Variants in ANXA8 observed in about 807,000 individuals in gnomAD.
ANXA8 encodes annexin A8.
A neutral mutation model predicts 26.8 loss-of-function variants in ANXA8; 9 were observed. That is an observed-to-expected ratio of 0.34 (90% CI 0.20 to 0.59). The LOEUF is 0.59. ANXA8 is among the 20% of genes least tolerant of loss of function. The probability of loss-of-function intolerance (pLI) is 0.84; values close to 1 mark genes in which losing one functional copy is unlikely to be tolerated. For synonymous variants in ANXA8, 39 were observed against 94.8 expected (o/e 0.41, Z 3.42); for missense variants, 83 against 238.5 (o/e 0.35, Z 4.29).
upstream of ANXA8, among the ~76,000 whole-genome samples, chr10:47,487,562 T>C (rs1385955545): frequency 8.7e-6 from 1 of 115,544 alleles, no homozygotes; most frequent in Non-Finnish European, 1.7e-5. Context: ...AATTTGAATT[T>C]GGTTTTAATT....
At chr10:47,490,380 T>G in the ANXA8 span, 2 of 143,202 alleles carry the variant, frequency 1.4e-5, no homozygotes, top group African/African-American at 5.2e-5. Flanking sequence ...TCCAGCGGAG[T>G]CAAAGGAATG....
the ANXA8 span, among the ~76,000 whole-genome samples, chr10:47,498,460 A>T: frequency 7.0e-6 from 1 of 142,350 alleles, no homozygotes; most frequent in African/African-American, 2.6e-5. Flanking sequence ...TATAAATATC[A>T]GTGTACACAT....
the ANXA8 span, among the ~76,000 whole-genome samples, chr10:47,646,299 A>G: frequency 7.2e-6 from 1 of 138,634 alleles, no homozygotes; most frequent in South Asian, 2.2e-4. Context: ...ATACTAAATA[A>G]TATATATTGT....
the ANXA8 span, among the ~76,000 whole-genome samples, chr10:47,694,212 A>C: frequency 6.6e-6 from 1 of 151,600 alleles, no homozygotes; most frequent in Non-Finnish European, 1.5e-5. Context: ...TTTTTTAAAA[A>C]ATCAGATTTT....
chr10:47,655,590 A>G, the ANXA8 span, among the ~76,000 whole-genome samples: 1 of 151,610 alleles, frequency 6.6e-6, no homozygotes, highest in Non-Finnish European at 1.5e-5. Context: ...TCAAGACTGG[A>G]TAGTGGAAAT....
chr10:47,526,455 C>T, the ANXA8 span, among the ~76,000 whole-genome samples: 1 of 134,698 alleles, frequency 7.4e-6, no homozygotes, highest in Non-Finnish European at 1.5e-5. Context: ...CTTCTTTCAA[C>T]ATTAAGTCCC....
chr10:47,697,053 C>T, the ANXA8 span, among the ~76,000 whole-genome samples: 1 of 151,686 alleles, frequency 6.6e-6, no homozygotes, highest in Non-Finnish European at 1.5e-5. Flanking sequence ...TTAAAAGAAG[C>T]TGTTTAATGA....
the ANXA8 span, among the ~76,000 whole-genome samples, chr10:47,743,453 G>A: frequency 7.9e-6 from 1 of 126,606 alleles, no homozygotes; most frequent in Non-Finnish European, 1.7e-5. Flanking sequence ...GGTGGTAAAA[G>A]CAGTGTTTGC....
chr10:47,695,037 A>C, the ANXA8 span, among the ~76,000 whole-genome samples: 2 of 151,832 alleles, frequency 1.3e-5, no homozygotes, highest in East Asian at 1.9e-4. Context: ...AATCCAACAT[A>C]GGCTTCACAG....
chr10:47,915,052 C>A, the ANXA8 span, among the ~76,000 whole-genome samples: 1 of 152,130 alleles, frequency 6.6e-6, no homozygotes, highest in Non-Finnish European at 1.5e-5. Flanking sequence ...TCTGCTATAG[C>A]CTTCCATGAA....
At chr10:47,474,871 G>A in intron 7 of ANXA8, 74 bp downstream of exon 7, 7 of 1,505,536 alleles carry the variant, frequency 4.6e-6, no homozygotes, top group Non-Finnish European at 6.3e-6. Flanking sequence ...GTCAGAGAAA[G>A]CCCCCGTGGG....
chr10:47,615,885 T>G, the ANXA8 span, among the ~76,000 whole-genome samples: 40 of 75,124 alleles, frequency 5.3e-4, 18 homozygotes, highest in South Asian at 2.8e-3. Context: ...CTTAGTTGCA[T>G]CTGCATGGCA....
chr10:47,683,223 ATT>A, the ANXA8 span, among the ~76,000 whole-genome samples: 6 of 110,604 alleles, frequency 5.4e-5, no homozygotes, highest in Admixed American at 2.1e-4. Flanking sequence ...GCATTTACTA[ATT>A]TTTTTTTTTT....
the ANXA8 span, among the ~76,000 whole-genome samples, chr10:47,619,044 C>A: frequency 8.8e-6 from 1 of 113,360 alleles, no homozygotes; most frequent in East Asian, 2.1e-4. Context: ...GAACAATACA[C>A]AATCGCTTGA....
chr10:47,945,319 G>T, the ANXA8 span, among the ~76,000 whole-genome samples: 1 of 150,210 alleles, frequency 6.7e-6, no homozygotes, highest in Non-Finnish European at 1.5e-5. Context: ...ACTCAGCAAT[G>T]TTGACTGAAT....
chr10:47,724,384 CT>C, the ANXA8 span, among the ~76,000 whole-genome samples: 1 of 141,428 alleles, frequency 7.1e-6, no homozygotes, highest in South Asian at 2.2e-4. Flanking sequence ...CAGTCATCTC[CT>C]TGTGCTTGTT....
the ANXA8 span, among the ~76,000 whole-genome samples, chr10:47,558,394 A>C: frequency 6.6e-6 from 1 of 151,806 alleles, no homozygotes; most frequent in Non-Finnish European, 1.5e-5. Flanking sequence ...CCCATTCACT[A>C]TCTAGCTTAG....
chr10:47,519,486 G>A, the ANXA8 span, among the ~76,000 whole-genome samples: 1 of 122,178 alleles, frequency 8.2e-6, no homozygotes, highest in African/African-American at 3.1e-5. Context: ...AAAAAAAAAA[G>A]AGTGTGGTAC....
the ANXA8 span, among the ~76,000 whole-genome samples, chr10:47,926,027 C>CT: frequency 0.16 from 3,726 of 23,834 alleles, 542 homozygotes; most frequent in Non-Finnish European, 0.19. Context: ...TGCTGGATAT[C>CT]TTTTTTTTTT....
Sources: gnomAD v4.1 joint callset for allele counts (sites outside exome capture counted in the v4.1 genomes callset) on GRCh38, gnomAD v4.1.1 for gene constraint, MANE v1.5 for transcripts, NCBI Gene and HGNC (gene_info 2026-07-23, HGNC 2026-07-21) for gene names.